Variants in DUSP16 observed in about 807,000 individuals in gnomAD.
The protein encoded by DUSP16 is dual specificity protein phosphatase 16.
Under a neutral mutation model 58.3 loss-of-function variants are expected in DUSP16, and 21 were observed. The ratio of observed to expected loss-of-function variants is 0.36; its 90% confidence interval spans 0.26 to 0.52. DUSP16 has a LOEUF of 0.52. Ranked by LOEUF, DUSP16 falls within the 20% of genes least tolerant of loss-of-function variation. The pLI is 0.94. For missense variants in DUSP16, 726 were observed against 819.0 expected (o/e 0.89, Z 1.39); for synonymous variants, 320 against 323.8 (o/e 0.99, Z 0.12).
intron 4 of DUSP16, among the ~76,000 whole-genome samples, chr12:12,499,995 C>T (rs2136211689): frequency 6.6e-6 from 1 of 152,086 alleles, no homozygotes; most frequent in East Asian, 1.9e-4. Flanking sequence ...AACCAAACTC[C>T]TCCAAAGAGC....
In DUSP16 at chr12:12,481,383, A is replaced by G. The variant is rs888820363; in HGVS notation, c.692-1037T>C. On this transcript the variant is annotated intron_variant, in intron 5 of 6. Transcript: ENST00000298573. Reference sequence around the variant, plus strand: ...TCTGGCCAGTTCCATGACTGCCTCAATTCTAAATAATTACATGTGTGCTCA... The same window carrying G: ...TCTGGCCAGTTCCATGACTGCCTCAGTTCTAAATAATTACATGTGTGCTCA... 5.9e-5 allele frequency among the ~76,000 whole-genome samples: 9 copies of G among 152,304 alleles called. No individual in the cohort carries two copies. In the South Asian group the frequency reaches 8.3e-4, roughly 14 times the overall value.
rs953112190 is a variant in DUSP16, at chr12:12,474,832, G to T, written c.*2001C>A. The T allele has an allele frequency of 1.3e-5, 2 of 152,238 alleles. No individual in the cohort carries two copies. The highest frequency in any genetic ancestry group is 1.5e-5 in the Non-Finnish European group (1 of 68,046). 9.4% of individuals were successfully genotyped at this position (152,238 alleles called of 1,614,324 possible). On this transcript the variant is annotated 3_prime_UTR_variant, in exon 7 of 7. Transcript: ENST00000298573. ...AGTGGTGAACTGTTACACATTTGGTGTGTGTGTACATAACATCAAAAACTA... is the reference window on the plus strand; with the variant it reads ...AGTGGTGAACTGTTACACATTTGGTTTGTGTGTACATAACATCAAAAACTA...
At chr12:12,498,682 T>C (rs903467822) in intron 4 of DUSP16, among the ~76,000 whole-genome samples, 4 of 152,208 alleles carry the variant, frequency 2.6e-5, no homozygotes, top group Non-Finnish European at 5.9e-5. Flanking sequence ...TCCAAGGTGC[T>C]AGGATTCCAA....
intron 3 of DUSP16, among the ~76,000 whole-genome samples, chr12:12,516,098 C>T (rs1944148454): frequency 1.6e-5 from 2 of 127,622 alleles, no homozygotes; most frequent in Non-Finnish European, 3.4e-5. Context: ...CTTTCTAAAG[C>T]ATCCAAATTT....
chr12:12,534,780 A>G (rs532424910), intron 1 of DUSP16, among the ~76,000 whole-genome samples: 4 of 152,228 alleles, frequency 2.6e-5, no homozygotes, highest in Non-Finnish European at 5.9e-5. Context: ...TTTATCATCT[A>G]TCAGCCTTTA....
At chr12:12,541,708 A>C (rs1325522709) in intron 1 of DUSP16, among the ~76,000 whole-genome samples, 3 of 152,254 alleles carry the variant, frequency 2.0e-5, no homozygotes, top group African/African-American at 7.2e-5. Context: ...CCTAGAGAGA[A>C]ATAACTGTGA....
At chr12:12,561,779 G>T (rs1414245483) in intron 1 of DUSP16, among the ~76,000 whole-genome samples, 1 of 151,694 alleles carries the variant, frequency 6.6e-6, no homozygotes, top group East Asian at 1.9e-4. Flanking sequence ...CGCTCCTCTC[G>T]GCGGGGCCCG....
intron 3 of DUSP16, among the ~76,000 whole-genome samples, chr12:12,512,485 C>T (rs1008705502): frequency 2.0e-5 from 3 of 152,124 alleles, no homozygotes; most frequent in Non-Finnish European, 4.4e-5. Flanking sequence ...CTCCCCATTA[C>T]CCCAGCCCTC....
chr12:12,495,475 A>T (rs1376798015), intron 4 of DUSP16, among the ~76,000 whole-genome samples: 1 of 152,152 alleles, frequency 6.6e-6, no homozygotes, highest in Non-Finnish European at 1.5e-5. Context: ...TATTATTATG[A>T]TTTCCATTCA....
intron 6 of DUSP16, 75 bp downstream of exon 6, chr12:12,480,148 T>C (rs1023389785): frequency 6.5e-6 from 10 of 1,549,568 alleles, no homozygotes; most frequent in Admixed American, 1.9e-5. Flanking sequence ...TTTAATTTGG[T>C]TACCCATCCT....
At chr12:12,480,185 T>C in intron 6 of DUSP16, 38 bp downstream of exon 6, 3 of 1,606,378 alleles carry the variant, frequency 1.9e-6, no homozygotes, top group Non-Finnish European at 2.6e-6. Flanking sequence ...TCAGGTCAAA[T>C]GAAAAGCCAA....
intron 4 of DUSP16, among the ~76,000 whole-genome samples, chr12:12,490,982 C>A (rs1565987027): frequency 6.6e-6 from 1 of 152,124 alleles, no homozygotes; most frequent in Non-Finnish European, 1.5e-5. Flanking sequence ...ACAACTGATT[C>A]TTGGTAAGTA....
intron 3 of DUSP16, 61 bp from the exon 4 acceptor site, chr12:12,500,743 T>C (rs1458208604): frequency 7.1e-7 from 1 of 1,414,714 alleles, no homozygotes; most frequent in Non-Finnish European, 9.3e-7. Context: ...AAAACCAGCT[T>C]TCTGTGAACT....
At position 12,519,939 on chromosome 12, in the gene DUSP16, G is replaced by C. The variant is rs756800565; in HGVS notation, c.290C>G (p.Ser97Cys). The C allele has an allele frequency of 5.6e-6, 9 of 1,614,012 alleles. No homozygotes were observed. The African/African-American group carries it at 8.0e-5, about 14-fold the overall frequency. ...AGTGAGAAAACAGTCTGAAGAGAGA[G>C]AGGCAACATCTTGGGAGCTTTGATC... ...VYDQSSQDVA[S>C]LSSDCFLTVL... The change falls in exon 3 of 7, where the codon TCT becomes TGT. Residue 97 changes from serine to cysteine, a missense_variant. Ser to Cys is a moderately radical substitution (Grantham distance 112, BLOSUM62 -1). Coordinates refer to ENST00000298573, the MANE Select transcript of DUSP16 (RefSeq NM_030640.3).
chr12:12,507,754 C>T, intron 3 of DUSP16, among the ~76,000 whole-genome samples: 1 of 152,100 alleles, frequency 6.6e-6, no homozygotes, highest in East Asian at 2.0e-4. Context: ...GGATCACAGG[C>T]ATGCGCCATC....
At chr12:12,494,443 A>T (rs1378415350) in intron 4 of DUSP16, among the ~76,000 whole-genome samples, 1 of 152,228 alleles carries the variant, frequency 6.6e-6, no homozygotes, top group Non-Finnish European at 1.5e-5. Context: ...TGAATAGTCT[A>T]CTAGCAACTG....
At chr12:12,480,469 T>C in intron 5 of DUSP16, 123 bp from the exon 6 acceptor site, 1 of 1,085,654 alleles carries the variant, frequency 9.2e-7, no homozygotes, top group Non-Finnish European at 1.3e-6. Flanking sequence ...CATCTGTGTA[T>C]ATCATATTTA....
rs1275927562 is a variant in DUSP16, at chr12:12,562,523, GC to G, written c.-773del. 3.4e-5 allele frequency: 4 copies of G among 118,724 alleles called. No individual in the cohort carries two copies. The highest frequency in any genetic ancestry group is 3.2e-5 in the African/African-American group (1 of 31,466). The allele number at this position is 118,724 out of a possible 1,614,324, so 7.4% of individuals were successfully genotyped here. On this transcript the variant is annotated 5_prime_UTR_variant, in exon 1 of 7. The change creates a premature stop within an existing upstream ORF in the 5' untranslated region. Coordinates refer to ENST00000298573, the MANE Select transcript of DUSP16 (RefSeq NM_030640.3). ...AATAATCGTTTAAAAACTGATTAAAGCCCCCCAAACACTGATACATAGAAAG... is the reference window on the plus strand; with the variant it reads ...AATAATCGTTTAAAAACTGATTAAAGCCCCCAAACACTGATACATAGAAAG...
At position 12,520,867 on chromosome 12, in the gene DUSP16, T is replaced by C. The variant is rs1944224719; in HGVS notation, c.228+4A>G. Reference sequence around the variant, plus strand: ...TTTGAAAAGGCAAAAAGGAAAGCGTTTACCTTATGTTTCGCTGAATGCTGG... The same window carrying C: ...TTTGAAAAGGCAAAAAGGAAAGCGTCTACCTTATGTTTCGCTGAATGCTGG... On this transcript the variant is annotated splice_donor_region_variant and intron_variant, in intron 2 of 6. Transcript: ENST00000298573. The C allele has an allele frequency of 1.9e-6, 3 of 1,614,104 alleles. No individual in the cohort carries two copies. Among genetic ancestry groups the C allele is most frequent in the Non-Finnish European group, 2.5e-6 (3 of 1,179,958 alleles).
Sources: allele counts gnomAD v4.1 joint callset (sites outside exome capture counted in the v4.1 genomes callset), GRCh38; gene constraint gnomAD v4.1.1; transcripts MANE v1.5; gene names NCBI Gene and HGNC (gene_info 2026-07-23, HGNC 2026-07-21).